DCLK2: variants seen among roughly 807,000 people sequenced by gnomAD.
DCLK2 encodes the protein doublecortin like kinase 2.
Under a neutral mutation model 78.4 loss-of-function variants are expected in DCLK2, and 31 were observed. The ratio of observed to expected loss-of-function variants is 0.40; its 90% CI spans 0.30 to 0.53. The LOEUF (loss-of-function observed/expected upper bound fraction) is 0.53. Ranked by LOEUF, DCLK2 falls within the 20% of genes least tolerant of loss-of-function variation. DCLK2 has a pLI of 0.61. For missense variants in DCLK2, 872 were observed against 973.7 expected (o/e 0.90, Z 1.39); for synonymous variants, 407 against 374.9 (o/e 1.09, Z -0.99).
rs764530529 is a variant in DCLK2, at chr4:150,248,275, C to T, written c.1876-30C>T. On this transcript the variant is annotated intron_variant, in intron 13 of 15. Transcript: ENST00000296550. The stretch of plus-strand genomic sequence containing the variant: ...CTGGAATTACCTCCTTTCTCCTCCT[C>T]TGTGGTCTGACTTGTTTGTTTATTT... 3.1e-6 allele frequency: 5 copies of T among 1,593,726 alleles called. No homozygotes were observed. In the East Asian group the frequency reaches 1.1e-4, roughly 36 times the overall value.
At chr4:150,176,209 C>T (rs1042157752) in intron 2 of DCLK2, among the ~76,000 whole-genome samples, 4 of 152,116 alleles carry the variant, frequency 2.6e-5, no homozygotes, top group South Asian at 4.2e-4. Context: ...GCTGTCCTTC[C>T]GCCATGAATC....
At chr4:150,145,933 A>C (rs1312939898) in intron 2 of DCLK2, among the ~76,000 whole-genome samples, 1 of 152,250 alleles carries the variant, frequency 6.6e-6, no homozygotes, top group Non-Finnish European at 1.5e-5. Context: ...AGAAACTATC[A>C]GTTTCAAACA....
At chr4:150,168,447 T>C (rs1197219074) in intron 2 of DCLK2, among the ~76,000 whole-genome samples, 2 of 152,186 alleles carry the variant, frequency 1.3e-5, no homozygotes, top group Non-Finnish European at 2.9e-5. Flanking sequence ...CTTTCATTCC[T>C]GCTCTAAAGC....
intron 2 of DCLK2, among the ~76,000 whole-genome samples, chr4:150,165,451 C>G (rs978147587): frequency 6.6e-6 from 1 of 152,010 alleles, no homozygotes; most frequent in Non-Finnish European, 1.5e-5. Context: ...AAAATTTGCT[C>G]CAATTGCTAA....
chr4:150,172,073 C>T (rs1392319836), intron 2 of DCLK2, among the ~76,000 whole-genome samples: 2 of 152,166 alleles, frequency 1.3e-5, no homozygotes, highest in Non-Finnish European at 2.9e-5. Flanking sequence ...TGTTGCTCCT[C>T]CAGTGCCTAG....
At chr4:150,091,777 G>A (rs1459916651) in intron 1 of DCLK2, among the ~76,000 whole-genome samples, 1 of 143,406 alleles carries the variant, frequency 7.0e-6, no homozygotes, top group Non-Finnish European at 1.5e-5. Context: ...TTATGTGTGT[G>A]TGTGTGTGTG....
At chr4:150,141,228 T>A (rs1402493211) in intron 2 of DCLK2, among the ~76,000 whole-genome samples, 2 of 152,224 alleles carry the variant, frequency 1.3e-5, no homozygotes. Context: ...CATGCTACCC[T>A]TCCTTCCCCC....
Position 150,203,837 on chromosome 4 carries a change from C to A in DCLK2, c.1004C>A (p.Thr335Lys). 2 of 1,613,872 alleles carry A rather than the reference C, an allele frequency of 1.2e-6. No individual in the cohort carries two copies. The highest frequency in any genetic ancestry group is 1.7e-6 in the Non-Finnish European group (2 of 1,179,934). ...PSSQLSTPKS[T>K]KSSSSSPTSP... Reference sequence around the variant, plus strand: ...AGCCAACTTTCTACTCCTAAATCTACGAAATCCTCCAGTTCCTCTCCAACT... The same window carrying A: ...AGCCAACTTTCTACTCCTAAATCTAAGAAATCCTCCAGTTCCTCTCCAACT... The change falls in exon 5 of 16, where the codon ACG becomes AAG. Residue 335 changes from threonine (T) to lysine (K), a missense_variant. By Grantham distance (78) the Thr-to-Lys change is moderately conservative. Coordinates refer to ENST00000296550, the MANE Select transcript of DCLK2 (RefSeq NM_001040260.4).
At chr4:150,252,567 G>A (rs992180310) in intron 15 of DCLK2, among the ~76,000 whole-genome samples, 1 of 152,218 alleles carries the variant, frequency 6.6e-6, no homozygotes, top group Admixed American at 6.5e-5. Flanking sequence ...CTGTTCTACA[G>A]GCTCTGTCCT....
intron 2 of DCLK2, among the ~76,000 whole-genome samples, chr4:150,184,327 A>C (rs1027794225): frequency 7.2e-5 from 11 of 152,254 alleles, no homozygotes; most frequent in African/African-American, 2.7e-4. Flanking sequence ...CTATGTAGCC[A>C]CTTAAAATAG....
chr4:150,239,617 A>C (rs1742758066), intron 10 of DCLK2, 125 bp from the exon 11 acceptor site: 1 of 1,308,634 alleles, frequency 7.6e-7, no homozygotes, highest in Admixed American at 2.2e-5. Context: ...AAAAAATCAC[A>C]AGGAGAGATT....
At chr4:150,255,976 G>C in intron 15 of DCLK2, 44 bp from the exon 16 acceptor site, 1 of 1,597,542 alleles carries the variant, frequency 6.3e-7, no homozygotes, top group Non-Finnish European at 8.5e-7. Flanking sequence ...TGGGACCCGA[G>C]CCTGGGCCCG....
At position 150,163,007 on chromosome 4, in the gene DCLK2, G is replaced by A. The variant is rs527592791; in HGVS notation, c.757-30131G>A. On this transcript the variant is annotated intron_variant, in intron 2 of 15. Transcript: ENST00000296550. ...GGTACTGAGAATTGACTGTGACTGC[G>A]CAACACATCTTTCTTTCTTCCAAAA... 3.3e-5 allele frequency among the ~76,000 whole-genome samples: 5 copies of A among 152,226 alleles called. No individual in the cohort carries two copies. In the East Asian group the frequency reaches 5.8e-4, roughly 18 times the overall value.
Position 150,217,486 on chromosome 4 carries a change from C to T in DCLK2, c.1057-3217C>T, listed in dbSNP as rs184740770. Among the ~76,000 whole-genome samples the T allele has an allele frequency of 3.9e-5, 6 of 152,320 alleles. No homozygotes were observed. The East Asian group carries it at 1.2e-3, about 29-fold the overall frequency. ...TTGTGCTGTAGCAAAATGGCTCCCTCTCACGGCTCTTCAGAGTCATTTGTA... is the reference window on the plus strand; with the variant it reads ...TTGTGCTGTAGCAAAATGGCTCCCTTTCACGGCTCTTCAGAGTCATTTGTA... On this transcript the variant is annotated intron_variant, in intron 5 of 15. Coordinates refer to ENST00000296550, the MANE Select transcript of DCLK2 (RefSeq NM_001040260.4).
intron 2 of DCLK2, among the ~76,000 whole-genome samples, chr4:150,176,644 A>G (rs1355916612): frequency 6.6e-6 from 1 of 152,218 alleles, no homozygotes; most frequent in Non-Finnish European, 1.5e-5. Flanking sequence ...TCCAAGAAGT[A>G]AGGAGGCTCT....
chr4:150,080,930 A>C (rs1729218688), intron 1 of DCLK2, among the ~76,000 whole-genome samples: 2 of 152,344 alleles, frequency 1.3e-5, no homozygotes, highest in African/African-American at 4.8e-5. Flanking sequence ...TGAGGAGGTA[A>C]GGGGATAGCT....
intron 1 of DCLK2, among the ~76,000 whole-genome samples, chr4:150,080,111 G>GGCCCCCCCCC (rs1729138253): frequency 7.7e-6 from 1 of 129,552 alleles, no homozygotes; most frequent in Non-Finnish European, 1.8e-5. Flanking sequence ...AGTCTCAAAA[G>GGCCCCCCCCC]CCCCCCCCCC....
intron 2 of DCLK2, among the ~76,000 whole-genome samples, chr4:150,111,469 C>T (rs1459548637): frequency 1.3e-5 from 2 of 152,060 alleles, no homozygotes; most frequent in Non-Finnish European, 2.9e-5. Context: ...TGTGCAGAAG[C>T]TTCTTAGTTT....
chr4:150,095,681 A>C (rs1382912631), intron 1 of DCLK2, among the ~76,000 whole-genome samples: 1 of 152,234 alleles, frequency 6.6e-6, no homozygotes, highest in Non-Finnish European at 1.5e-5. Context: ...ACTTAGCACT[A>C]GATAATGCCA....
Sources: gnomAD v4.1 joint callset for allele counts (sites outside exome capture counted in the v4.1 genomes callset) on GRCh38, gnomAD v4.1.1 for gene constraint, MANE v1.5 for transcripts, NCBI Gene and HGNC (gene_info 2026-07-23, HGNC 2026-07-21) for gene names.